EXOC6: variants seen among roughly 807,000 people sequenced by gnomAD.
EXOC6 encodes the protein SEC15-like 1.
In EXOC6, 60 loss-of-function variants were observed where a neutral mutation model predicts 112.5. The observed-to-expected ratio is 0.53, with a 90% CI of 0.43 to 0.66. EXOC6 has a LOEUF of 0.66. EXOC6 is among the 30% of genes least tolerant of loss of function. The pLI is 0.00. For synonymous variants in EXOC6, 295 were observed against 308.0 expected (o/e 0.96, Z 0.44); for missense variants, 855 against 957.1 (o/e 0.89, Z 1.41).
intron 17 of EXOC6, among the ~76,000 whole-genome samples, chr10:92,966,636 G>T (rs1589932144): frequency 6.7e-6 from 1 of 150,374 alleles, no homozygotes; most frequent in Admixed American, 6.6e-5. Context: ...TTTTATGGCT[G>T]CATAGTATTC....
intron 8 of EXOC6, among the ~76,000 whole-genome samples, chr10:92,925,002 A>G (rs931718774): frequency 1.3e-5 from 2 of 152,188 alleles, no homozygotes; most frequent in Non-Finnish European, 2.9e-5. Context: ...ATATTATTTT[A>G]TCCTTTTTTA....
chr10:92,893,457 T>C lies in EXOC6; in HGVS notation c.210T>C (p.His70=), dbSNP rs143952914. Residue 70 remains histidine, a synonymous_variant, in exon 2 of 22, where the codon CAT becomes CAC. Coordinates refer to ENST00000260762, the MANE Select transcript of EXOC6 (RefSeq NM_019053.6). The part of the protein sequence containing the change: ...KEIEKMCNFH[H]QGFVDAITEL... ...TTGAAAAGATGTGTAATTTTCATCA[T>C]CAGGGTTTTGTAGATGCTATTACAG... is the stretch of plus-strand genomic sequence containing the variant. 4.0e-5 allele frequency: 64 copies of C among 1,613,240 alleles called. No homozygotes were observed. The African/African-American group carries it at 6.9e-4, about 17-fold the overall frequency.
Position 92,951,173 on chromosome 10 carries a change from A to G in EXOC6, c.1417-1100A>G, listed in dbSNP as rs147331256. On this transcript the variant is annotated intron_variant, in intron 14 of 21. Coordinates refer to ENST00000260762, the MANE Select transcript of EXOC6 (RefSeq NM_019053.6). ...TGGTACAGCCAAATGGAGCTGTCCA[A>G]TGGGTAGATACATGAATTTGGACTT... 4.1e-4 allele frequency among the ~76,000 whole-genome samples: 63 copies of G among 152,330 alleles called. 1 individual carries two copies. Among genetic ancestry groups the G allele is most frequent in the Admixed American group, 2.0e-4 (3 of 15,302 alleles).
At chr10:93,022,703 G>A (rs906691556) in intron 20 of EXOC6, among the ~76,000 whole-genome samples, 1 of 152,024 alleles carries the variant, frequency 6.6e-6, no homozygotes, top group Admixed American at 6.5e-5. Flanking sequence ...AAATAGTTAA[G>A]TGGTGAAATG....
intron 1 of EXOC6, among the ~76,000 whole-genome samples, 187 bp from the exon 2 acceptor site, chr10:92,893,162 T>C (rs1429735353): frequency 6.6e-6 from 1 of 152,190 alleles, no homozygotes; most frequent in Non-Finnish European, 1.5e-5. Context: ...AGAGCTTGTG[T>C]GGTTCTTTTA....
At chr10:92,915,946 A>T in intron 7 of EXOC6, 33 bp downstream of exon 7, 1 of 1,442,524 alleles carries the variant, frequency 6.9e-7, no homozygotes, top group Non-Finnish European at 9.2e-7. Context: ...TTCTATTATT[A>T]GATAATTTTT....
At chr10:92,961,048 G>A (rs1853967997) in intron 17 of EXOC6, among the ~76,000 whole-genome samples, 1 of 152,098 alleles carries the variant, frequency 6.6e-6, no homozygotes, top group African/African-American at 2.4e-5. Context: ...ATTTTTAGTA[G>A]TAAAGATAGA....
intron 1 of EXOC6, among the ~76,000 whole-genome samples, chr10:92,827,474 C>CAAAAAAA (rs60863083): frequency 0.17 from 5,681 of 33,258 alleles, 1,891 homozygotes; most frequent in East Asian, 0.44. Context: ...GCCCTGTTGC[C>CAAAAAAA]AAAAAAAAAA....
At chr10:92,917,217 G>A (rs1004240316) in intron 7 of EXOC6, among the ~76,000 whole-genome samples, 9 of 151,652 alleles carry the variant, frequency 5.9e-5, no homozygotes, top group Admixed American at 4.6e-4. Context: ...TGTCCACCTC[G>A]GCCTCCCAAA....
intron 2 of EXOC6, among the ~76,000 whole-genome samples, chr10:92,894,407 T>C (rs1849652635): frequency 6.6e-6 from 1 of 152,186 alleles, no homozygotes; most frequent in Admixed American, 6.5e-5. Context: ...GTATGAATGT[T>C]TAATTACCAT....
At chr10:93,036,440 ATTCT>A (rs1845520329) in intron 20 of EXOC6, among the ~76,000 whole-genome samples, 1 of 152,064 alleles carries the variant, frequency 6.6e-6, no homozygotes, top group Admixed American at 6.6e-5. Context: ...TGGATGTTTC[ATTCT>A]TTTTAATTTC....
intron 17 of EXOC6, among the ~76,000 whole-genome samples, chr10:92,972,608 T>C (rs993724929): frequency 2.0e-5 from 3 of 152,148 alleles, no homozygotes; most frequent in East Asian, 1.9e-4. Flanking sequence ...TGAGTGTACA[T>C]TGAGCCCTGG....
intron 1 of EXOC6, among the ~76,000 whole-genome samples, chr10:92,873,477 A>G (rs527352698): frequency 1.3e-5 from 2 of 152,168 alleles, no homozygotes; most frequent in Non-Finnish European, 2.9e-5. Flanking sequence ...ATCGTTCTTC[A>G]TTTTTATGCT....
At chr10:92,967,381 A>G (rs1842113674) in intron 17 of EXOC6, among the ~76,000 whole-genome samples, 1 of 152,046 alleles carries the variant, frequency 6.6e-6, no homozygotes, top group Admixed American at 6.6e-5. Flanking sequence ...ATTTCTAGAT[A>G]TTTGGTCTCT....
intron 2 of EXOC6, 67 bp from the exon 3 acceptor site, chr10:92,894,727 G>T (rs1037157506): frequency 8.2e-7 from 1 of 1,213,692 alleles, no homozygotes. Flanking sequence ...TGATTACAAG[G>T]GTGAGCAGTT....
chr10:92,918,087 A>G (rs1158086275), intron 7 of EXOC6, among the ~76,000 whole-genome samples: 1 of 152,226 alleles, frequency 6.6e-6, no homozygotes, highest in Non-Finnish European at 1.5e-5. Context: ...TTGAGGATGC[A>G]GTGAGCTGTG....
At chr10:92,986,038 T>C (rs1474768870) in intron 18 of EXOC6, among the ~76,000 whole-genome samples, 1 of 152,100 alleles carries the variant, frequency 6.6e-6, no homozygotes, top group East Asian at 1.9e-4. Flanking sequence ...TTTTAAAAAT[T>C]TATAATGGCA....
At chr10:92,879,494 T>A (rs1848843994) in intron 1 of EXOC6, among the ~76,000 whole-genome samples, 1 of 152,196 alleles carries the variant, frequency 6.6e-6, no homozygotes, top group East Asian at 1.9e-4. Flanking sequence ...CTCATAGGTC[T>A]GTTAGAAATT....
rs534408901 is a variant in EXOC6 at position 92,841,256 on chromosome 10, C to G, written c.86+6432C>G. ...TCAGCCTCTGGTAACTACCATTCAACTCTCGACTTCTCTGAGTTCAACTTT... is the reference window on the plus strand; with the variant it reads ...TCAGCCTCTGGTAACTACCATTCAAGTCTCGACTTCTCTGAGTTCAACTTT... On this transcript the variant is annotated intron_variant, in intron 1 of 21. Transcript: ENST00000371552. 1.9e-3 allele frequency among the ~76,000 whole-genome samples: 289 copies of G among 152,330 alleles called. 1 individual carries two copies. The highest frequency in any genetic ancestry group is 2.3e-3 in the Non-Finnish European group (157 of 68,040).
Sources: gnomAD v4.1 joint callset for allele counts (sites outside exome capture counted in the v4.1 genomes callset) on GRCh38, gnomAD v4.1.1 for gene constraint, MANE v1.5 for transcripts, NCBI Gene and HGNC (gene_info 2026-07-23, HGNC 2026-07-21) for gene names.